ST6GALNAC3: variants seen among roughly 807,000 people sequenced by gnomAD.
ST6GALNAC3 encodes the protein ST6 N-acetylgalactosaminide alpha-2,6-sialyltransferase 3.
A neutral mutation model predicts 32.7 loss-of-function variants in ST6GALNAC3; 25 were observed. The ratio of observed to expected loss-of-function variants is 0.76; its 90% CI spans 0.56 to 1.07. The LOEUF is 1.07. Ranked by LOEUF, ST6GALNAC3 falls within the 50% of genes least tolerant of loss-of-function variation. The pLI is 0.00. For missense variants in ST6GALNAC3, 355 were observed against 382.4 expected, an observed-to-expected ratio of 0.93 and a Z score of 0.60; for synonymous variants, 129 against 133.1, an observed-to-expected ratio of 0.97 and a Z score of 0.21.
intron 3 of ST6GALNAC3, among the ~76,000 whole-genome samples, chr1:76,487,170 A>G (rs557953349): frequency 6.6e-6 from 1 of 151,954 alleles, no homozygotes; most frequent in East Asian, 1.9e-4. Context: ...TTTTTCCTTC[A>G]TTTCAACTTT....
intron 1 of ST6GALNAC3, among the ~76,000 whole-genome samples, chr1:76,149,000 TTGTC>T (rs1263607031): frequency 6.6e-6 from 1 of 152,240 alleles, no homozygotes; most frequent in Admixed American, 6.5e-5. Context: ...CTTAGTTTCT[TTGTC>T]TGTCAAATGG....
chr1:76,138,726 A>G (rs1650104643), intron 1 of ST6GALNAC3, among the ~76,000 whole-genome samples: 1 of 152,214 alleles, frequency 6.6e-6, no homozygotes, highest in Non-Finnish European at 1.5e-5. Flanking sequence ...TTAGAACTTC[A>G]GTAGAGTGCC....
chr1:76,172,885 A>G (rs1433199197), intron 1 of ST6GALNAC3, among the ~76,000 whole-genome samples: 2 of 152,228 alleles, frequency 1.3e-5, no homozygotes, highest in Non-Finnish European at 2.9e-5. Flanking sequence ...AGGAAGAATT[A>G]ATATCATGAA....
chr1:76,344,825 CT>C (rs977169080), intron 2 of ST6GALNAC3, among the ~76,000 whole-genome samples: 1 of 152,120 alleles, frequency 6.6e-6, no homozygotes, highest in African/African-American at 2.4e-5. Flanking sequence ...CCTAAGCACA[CT>C]CAGTGAGGTG....
intron 2 of ST6GALNAC3, among the ~76,000 whole-genome samples, chr1:76,394,169 A>G (rs1652770684): frequency 6.6e-6 from 1 of 152,222 alleles, no homozygotes; most frequent in Non-Finnish European, 1.5e-5. Context: ...CCAGAAGTAG[A>G]GAAATCTATG....
At chr1:76,557,601 T>C (rs1034764413) in intron 3 of ST6GALNAC3, among the ~76,000 whole-genome samples, 3 of 152,070 alleles carry the variant, frequency 2.0e-5, no homozygotes, top group Admixed American at 6.6e-5. Flanking sequence ...AATACTCCAA[T>C]TTTCAGGTAA....
intron 2 of ST6GALNAC3, among the ~76,000 whole-genome samples, chr1:76,379,406 A>G (rs1196449657): frequency 6.6e-6 from 1 of 152,162 alleles, no homozygotes; most frequent in Non-Finnish European, 1.5e-5. Flanking sequence ...TTTTAACCTC[A>G]TCTCCCATTG....
At chr1:76,173,207 A>G (rs1444612432) in intron 1 of ST6GALNAC3, among the ~76,000 whole-genome samples, 1 of 152,212 alleles carries the variant, frequency 6.6e-6, no homozygotes, top group African/African-American at 2.4e-5. Flanking sequence ...CTGATCTTTG[A>G]CAAACCTGAT....
chr1:76,615,497 G>A (rs1648234884), intron 3 of ST6GALNAC3, among the ~76,000 whole-genome samples: 1 of 152,174 alleles, frequency 6.6e-6, no homozygotes, highest in South Asian at 2.1e-4. Context: ...CAGAATTTCA[G>A]GGTTCAGAAA....
At chr1:76,413,183 C>G (rs1177951142) in intron 3 of ST6GALNAC3, among the ~76,000 whole-genome samples, 3 of 152,046 alleles carry the variant, frequency 2.0e-5, no homozygotes, top group Non-Finnish European at 4.4e-5. Context: ...CTCATCTCTT[C>G]TGTAACTGAA....
chr1:76,314,668 T>C (rs1020301340), intron 2 of ST6GALNAC3, among the ~76,000 whole-genome samples: 15 of 152,176 alleles, frequency 9.9e-5, no homozygotes, highest in African/African-American at 3.6e-4. Flanking sequence ...ATAAAAATAA[T>C]GAACCTCACA....
intron 1 of ST6GALNAC3, among the ~76,000 whole-genome samples, chr1:76,237,822 T>C (rs1201368624): frequency 2.0e-5 from 3 of 152,216 alleles, no homozygotes; most frequent in African/African-American, 7.2e-5. Flanking sequence ...AAAAAATGAA[T>C]ATCTTCTCGA....
At chr1:76,253,439 G>A (rs1237756726) in intron 1 of ST6GALNAC3, among the ~76,000 whole-genome samples, 3 of 152,076 alleles carry the variant, frequency 2.0e-5, no homozygotes, top group Admixed American at 6.6e-5. Flanking sequence ...AAAGCTTCAC[G>A]TGAACCCGAA....
chr1:76,379,848 A>G (rs937237164), intron 2 of ST6GALNAC3, among the ~76,000 whole-genome samples: 1 of 152,176 alleles, frequency 6.6e-6, no homozygotes, highest in Non-Finnish European at 1.5e-5. Flanking sequence ...CTCACAGAGC[A>G]CACAAGAAAT....
intron 3 of ST6GALNAC3, among the ~76,000 whole-genome samples, chr1:76,457,607 A>G (rs1016970096): frequency 6.6e-6 from 1 of 152,022 alleles, no homozygotes. Context: ...GATCTTTGAC[A>G]AACCTGAGAA....
At chr1:76,621,314 T>A (rs549473802) in intron 3 of ST6GALNAC3, among the ~76,000 whole-genome samples, 1 of 152,202 alleles carries the variant, frequency 6.6e-6, no homozygotes, top group South Asian at 2.1e-4. Context: ...TTTTTTGTTA[T>A]TTTTCAGGCC....
chr1:76,297,923 A>G (rs543154188), intron 1 of ST6GALNAC3, among the ~76,000 whole-genome samples: 1 of 152,218 alleles, frequency 6.6e-6, no homozygotes, highest in Non-Finnish European at 1.5e-5. Context: ...TAGGAGAAGT[A>G]TCAGAGAAGT....
Position 76,634,184 on chromosome 1 carries a change from T to A in ST6GALNAC3, c.*5378T>A. On this transcript the variant is annotated 3_prime_UTR_variant, in exon 5 of 5. Transcript: ENST00000328299. Reference sequence around the variant, plus strand: ...TTCAGAAAAATAGAAGCTCACTTCCTTCCATAAAGGTGAAGAACATCTTGA... The same window carrying A: ...TTCAGAAAAATAGAAGCTCACTTCCATCCATAAAGGTGAAGAACATCTTGA... 1 of 983,704 alleles carries A rather than the reference T, an allele frequency of 1.0e-6. No individual in the cohort carries two copies. Among genetic ancestry groups the A allele is most frequent in the Non-Finnish European group, 1.2e-6 (1 of 828,392 alleles). The allele number at this position is 983,704 out of a possible 1,614,324, so 60.9% of individuals were successfully genotyped here.
chr1:76,472,828 G>A (rs572012971), intron 3 of ST6GALNAC3, among the ~76,000 whole-genome samples: 26 of 152,158 alleles, frequency 1.7e-4, no homozygotes, highest in African/African-American at 5.3e-4. Context: ...AGAGAAAAAC[G>A]AGGCCAGAGG....
Sources: gnomAD v4.1 joint callset for allele counts (sites outside exome capture counted in the v4.1 genomes callset) on GRCh38, gnomAD v4.1.1 for gene constraint, MANE v1.5 for transcripts, NCBI Gene and HGNC (gene_info 2026-07-23, HGNC 2026-07-21) for gene names.